The following ANO5 variants were observed in gnomAD, a reference collection of about 807,000 sequenced individuals.
The protein encoded by ANO5 is anoctamin-5.
In ANO5, 109 loss-of-function variants were observed where a neutral mutation model predicts 121.0. That is an observed-to-expected ratio of 0.90 (90% confidence interval 0.77 to 1.06). The LOEUF (loss-of-function observed/expected upper bound fraction) is 1.06, where lower values mean the gene tolerates loss of function less well. Among genes scored for constraint, ANO5 ranks in the 50% least tolerant of loss-of-function variants. The pLI, the probability that ANO5 is intolerant of heterozygous loss-of-function variation, is 0.00. For missense variants in ANO5, 1,064 were observed against 1,078.5 expected (o/e 0.99, Z 0.19); for synonymous variants, 406 against 359.9 (o/e 1.13, Z -1.45).
Position 22,280,330 on chromosome 11 carries a change from C to G in ANO5, c.*565C>G, listed in dbSNP as rs1158087408. ...AGCAGAGGTTTATTCCTAACACATT[C>G]AACTACCATCAGAATCCCAGATAGT... is the stretch of plus-strand genomic sequence containing the variant. On this transcript the variant is annotated 3_prime_UTR_variant, in exon 22 of 22. Transcript: ENST00000324559. The G allele has an allele frequency of 6.6e-6, 1 of 151,954 alleles. No homozygotes were observed. The highest frequency in any genetic ancestry group is 1.5e-5 in the Non-Finnish European group (1 of 67,916). 9.4% of individuals were successfully genotyped at this position (151,954 alleles called of 1,614,324 possible).
chr11:22,206,604 G>A (rs1313846812), intron 2 of ANO5, among the ~76,000 whole-genome samples: 1 of 152,082 alleles, frequency 6.6e-6, no homozygotes, highest in Non-Finnish European at 1.5e-5. Context: ...TTGAGCTACT[G>A]TGCCTGGTCT....
chr11:22,250,958 A>G lies in ANO5; in HGVS notation c.1127A>G (p.His376Arg). 1.9e-6 allele frequency: 3 copies of G among 1,612,502 alleles called. No homozygotes were observed. Among genetic ancestry groups the G allele is most frequent in the Non-Finnish European group, 1.7e-6 (2 of 1,179,250 alleles). ...TTATTGTTATTTTTACAGTTCTCCC[A>G]TTTGTTTGATAATGAGTCAACAGTG... ...NSTCLASKFSHLFDNESTVFF... is the reference protein window; with the variant it reads ...NSTCLASKFSRLFDNESTVFF... The change falls in exon 12 of 22, where the codon CAT becomes CGT. Residue 376 changes from histidine (H) to arginine (R), a missense_variant. Coordinates refer to ENST00000324559, the MANE Select transcript of ANO5 (RefSeq NM_213599.3).
intron 12 of ANO5, among the ~76,000 whole-genome samples, chr11:22,253,526 G>A (rs12289696): frequency 0.13 from 19,084 of 152,006 alleles, 3,423 homozygotes; most frequent in African/African-American, 0.39. Context: ...TTGTTCTATT[G>A]TAGTATAAAC....
At chr11:22,237,092 A>T (rs1029829724) in intron 8 of ANO5, among the ~76,000 whole-genome samples, 1 of 152,140 alleles carries the variant, frequency 6.6e-6, no homozygotes, top group African/African-American at 2.4e-5. Context: ...GAATGTGTAC[A>T]TATTCTACTT....
rs1050453683 is a variant in ANO5, at chr11:22,282,184, G to A, written c.*2419G>A. On this transcript the variant is annotated 3_prime_UTR_variant, in exon 22 of 22. Coordinates refer to ENST00000324559, the MANE Select transcript of ANO5 (RefSeq NM_213599.3). ...ATCTGCTGACCAAGCGCATAGTTTT[G>A]TTTTGTTTTCAGAATGTTCTAGGGA... The A allele has an allele frequency of 1.3e-5, 2 of 152,026 alleles. No individual in the cohort carries two copies. The highest frequency in any genetic ancestry group is 2.9e-5 in the Non-Finnish European group (2 of 67,950). The allele number at this position is 152,026 out of a possible 1,614,324, so 9.4% of individuals were successfully genotyped here.
At chr11:22,250,500 A>C (rs983150465) in intron 10 of ANO5, 129 bp downstream of exon 10, 32 of 1,331,018 alleles carry the variant, frequency 2.4e-5, no homozygotes, top group Non-Finnish European at 3.1e-5. Flanking sequence ...GATATTTTCC[A>C]AAAACTACTC....
At chr11:22,271,253 A>C (rs1004639066) in intron 18 of ANO5, among the ~76,000 whole-genome samples, 1 of 152,038 alleles carries the variant, frequency 6.6e-6, no homozygotes, top group East Asian at 1.9e-4. Context: ...TCGGGGTTTC[A>C]CCATGTTGAT....
chr11:22,229,887 C>G (rs1852981481), intron 7 of ANO5, among the ~76,000 whole-genome samples: 1 of 151,910 alleles, frequency 6.6e-6, no homozygotes, highest in African/African-American at 2.4e-5. Flanking sequence ...ACCTTTTTAT[C>G]CTCATCCATA....
intron 9 of ANO5, among the ~76,000 whole-genome samples, chr11:22,241,036 T>C (rs1217745778): frequency 6.6e-6 from 1 of 151,918 alleles, no homozygotes; most frequent in Non-Finnish European, 1.5e-5. Context: ...TAATTTCAAC[T>C]TTTTAATTTT....
In ANO5 at chr11:22,203,190, T is replaced by G. The variant is rs1414944765; in HGVS notation, c.41-614T>G. Reference sequence around the variant, plus strand: ...TCCAAAAAAAATATATAGGAAGTTTTTGACTTAAATATATCTTAGGGCTTT... The same window carrying G: ...TCCAAAAAAAATATATAGGAAGTTTGTGACTTAAATATATCTTAGGGCTTT... On this transcript the variant is annotated intron_variant, in intron 1 of 21. Coordinates refer to ENST00000324559, the MANE Select transcript of ANO5 (RefSeq NM_213599.3). Among the ~76,000 whole-genome samples, 6 of 152,198 alleles carry G rather than the reference T, an allele frequency of 3.9e-5. No homozygotes were observed. In the East Asian group the frequency reaches 7.7e-4, roughly 20 times the overall value.
At chr11:22,230,469 C>T (rs1212162131) in intron 7 of ANO5, among the ~76,000 whole-genome samples, 1 of 151,954 alleles carries the variant, frequency 6.6e-6, no homozygotes, top group African/African-American at 2.4e-5. Flanking sequence ...TTTATACATT[C>T]TAAGTGTACT....
intron 2 of ANO5, among the ~76,000 whole-genome samples, chr11:22,204,953 C>T (rs1400563131): frequency 6.6e-6 from 1 of 151,966 alleles, no homozygotes; most frequent in East Asian, 1.9e-4. Context: ...ACCTAAATGC[C>T]CATCAATGAT....
At chr11:22,227,064 A>G (rs1184233694) in intron 6 of ANO5, among the ~76,000 whole-genome samples, 1 of 152,058 alleles carries the variant, frequency 6.6e-6, no homozygotes, top group Non-Finnish European at 1.5e-5. Flanking sequence ...GTGTCTTTGT[A>G]TGTCTCTCTT....
At chr11:22,223,386 T>G (rs1852721143) in intron 5 of ANO5, among the ~76,000 whole-genome samples, 1 of 152,064 alleles carries the variant, frequency 6.6e-6, no homozygotes, top group African/African-American at 2.4e-5. Flanking sequence ...CAACAATGTA[T>G]GAAAACACAT....
chr11:22,269,566 G>T (rs1246833539), intron 17 of ANO5, among the ~76,000 whole-genome samples: 1 of 141,124 alleles, frequency 7.1e-6, no homozygotes, highest in Non-Finnish European at 1.5e-5. Context: ...AAAAAGAAAA[G>T]GAAAGAAAAA....
chr11:22,274,191 CA>C (rs780773807), intron 19 of ANO5, among the ~76,000 whole-genome samples: 1,726 of 151,840 alleles, frequency 0.011, 33 homozygotes, highest in African/African-American at 0.039. Context: ...CACACACACA[CA>C]CCCGCAGTCC....
intron 4 of ANO5, among the ~76,000 whole-genome samples, chr11:22,219,485 C>CA (rs1372802058): frequency 1.3e-5 from 2 of 151,672 alleles, no homozygotes; most frequent in Admixed American, 6.6e-5. Context: ...GAAAACAAAG[C>CA]AAAAAACAAC....
chr11:22,239,806 T>C (rs1853365609), intron 9 of ANO5, 122 bp downstream of exon 9: 2 of 730,890 alleles, frequency 2.7e-6, no homozygotes, highest in Non-Finnish European at 4.8e-6. Context: ...CTTGATTTCA[T>C]ATCTACACTA....
At chr11:22,247,546 T>C (rs1853665996) in intron 9 of ANO5, among the ~76,000 whole-genome samples, 1 of 152,118 alleles carries the variant, frequency 6.6e-6, no homozygotes, top group African/African-American at 2.4e-5. Context: ...ACAGAATTCA[T>C]TGGCCCTAAT....
Sources: allele counts gnomAD v4.1 joint callset (sites outside exome capture counted in the v4.1 genomes callset), GRCh38; gene constraint gnomAD v4.1.1; transcripts MANE v1.5; gene names NCBI Gene and HGNC (gene_info 2026-07-23, HGNC 2026-07-21).